The following ABLIM2 variants were observed in gnomAD, a reference collection of about 807,000 sequenced individuals.
ABLIM2 encodes actin binding LIM protein family member 2, also known as actin-binding LIM protein 2.
ABLIM2 carries 53 observed loss-of-function variants against 97.7 expected under a neutral mutation model. The observed-to-expected ratio is 0.54, with a 90% CI of 0.44 to 0.68. The LOEUF (loss-of-function observed/expected upper bound fraction) is 0.68. ABLIM2 is among the 30% of genes least tolerant of loss of function. The pLI is 0.00. For synonymous variants in ABLIM2, 361 were observed against 345.8 expected (o/e 1.04, Z -0.49); for missense variants, 835 against 867.2 (o/e 0.96, Z 0.47).
intron 2 of ABLIM2, among the ~76,000 whole-genome samples, chr4:8,101,405 T>G (rs1834536230): frequency 6.6e-6 from 1 of 152,220 alleles, no homozygotes; most frequent in South Asian, 2.1e-4. Flanking sequence ...CCCACCTGTC[T>G]AGAGCTTCCC....
intron 1 of ABLIM2, among the ~76,000 whole-genome samples, chr4:8,116,461 G>T (rs978768233): frequency 6.6e-6 from 1 of 152,298 alleles, no homozygotes; most frequent in South Asian, 2.1e-4. Context: ...CCCAGGAACG[G>T]GTTCTCTAAA....
In ABLIM2 at chr4:8,125,585, T is replaced by G. The variant is rs115326961; in HGVS notation, c.11-18948A>C. Among the ~76,000 whole-genome samples, 1,925 of 152,246 alleles carry G rather than the reference T, an allele frequency of 0.013. 34 individuals carry two copies. Among genetic ancestry groups the G allele is most frequent in the African/African-American group, 0.044 (1,815 of 41,544 alleles). ...CAGTGCTGATGGCCACAGGTTTGCATGGGGCCTCGGTGCCGGGGCTGCTTC... is the reference window on the plus strand; with the variant it reads ...CAGTGCTGATGGCCACAGGTTTGCAGGGGGCCTCGGTGCCGGGGCTGCTTC... On this transcript the variant is annotated intron_variant, in intron 1 of 20. Coordinates refer to ENST00000447017, the MANE Select transcript of ABLIM2 (RefSeq NM_001130083.2). The surrounding 1 kb of genome is among the most constrained non-coding windows in gnomAD (Gnocchi z 6.2).
In ABLIM2 at chr4:8,113,975, A is replaced by C. The variant is rs1841565500; in HGVS notation, c.11-7338T>G. ...TGTACAATCAGGGAGGGCTTCTGGG[A>C]GGAGGTGACATAAACTAGAAGCTCA... On this transcript the variant is annotated intron_variant, in intron 1 of 20. Coordinates refer to ENST00000447017, the MANE Select transcript of ABLIM2 (RefSeq NM_001130083.2). The surrounding 1 kb of genome is among the most constrained non-coding windows in gnomAD (Gnocchi z 4.5). 6.6e-6 allele frequency among the ~76,000 whole-genome samples: 1 copy of C among 151,808 alleles called. No individual in the cohort carries two copies. Among genetic ancestry groups the C allele is most frequent in the East Asian group, 2.0e-4 (1 of 5,114 alleles).
chr4:8,051,061 G>A (rs1795691716), intron 8 of ABLIM2, among the ~76,000 whole-genome samples: 1 of 152,252 alleles, frequency 6.6e-6, no homozygotes, highest in African/African-American at 2.4e-5. Context: ...TGGCATCAGT[G>A]GGGACAGTGA....
At position 8,064,134 on chromosome 4, in the gene ABLIM2, C is replaced by T. The variant is rs573476380; in HGVS notation, c.676-3080G>A. On this transcript the variant is annotated intron_variant, in intron 6 of 20. Transcript: ENST00000447017. ...TGATTTCCTTTGTTCTGTGTGCTCT[C>T]GCCATTGCTCCACAAGCGAGACATG... 5.9e-5 allele frequency among the ~76,000 whole-genome samples: 9 copies of T among 152,356 alleles called. No individual in the cohort carries two copies. In the East Asian group the frequency reaches 1.5e-3, roughly 26 times the overall value.
intron 1 of ABLIM2, among the ~76,000 whole-genome samples, chr4:8,138,740 A>G (rs776555770): frequency 6.6e-6 from 1 of 152,230 alleles, no homozygotes; most frequent in Non-Finnish European, 1.5e-5. Flanking sequence ...TAAACGTAAA[A>G]CCCAAAACAA....
chr4:7,985,085 T>C (rs1350551079), intron 17 of ABLIM2, among the ~76,000 whole-genome samples, 192 bp from the exon 18 acceptor site: 2 of 152,186 alleles, frequency 1.3e-5, no homozygotes, highest in African/African-American at 4.8e-5. Context: ...GAGTCCAGGA[T>C]GCTGTGCCCG....
rs1022875085 is a variant in ABLIM2, at chr4:8,015,902, G to GCATATTTT, written c.1423+3708_1423+3715dup. Among the ~76,000 whole-genome samples, 8 of 151,910 alleles carry GCATATTTT rather than the reference G, an allele frequency of 5.3e-5. No homozygotes were observed. Among genetic ancestry groups the GCATATTTT allele is most frequent in the African/African-American group, 1.7e-4 (7 of 41,342 alleles). On this transcript the variant is annotated intron_variant, in intron 14 of 20. Coordinates refer to ENST00000447017, the MANE Select transcript of ABLIM2 (RefSeq NM_001130083.2). This position sits in a 1 kb window ranked among gnomAD's most constrained non-coding sequence, Gnocchi z 4.6. Reference sequence around the variant, plus strand: ...TATTTTTGAGTTTTTCATCTTTTATGCATATTTTCCTAAATTTTATATAGC... The same window carrying GCATATTTT: ...TATTTTTGAGTTTTTCATCTTTTATGCATATTTTCATATTTTCCTAAATTTTATATAGC...
chr4:8,000,117 C>T (rs1756068171), intron 16 of ABLIM2, among the ~76,000 whole-genome samples: 1 of 152,096 alleles, frequency 6.6e-6, no homozygotes, highest in Non-Finnish European at 1.5e-5. Flanking sequence ...GTTCAGGTCC[C>T]CTCTCTGAGT....
At chr4:7,993,830 G>A (rs1038347265) in intron 16 of ABLIM2, 3 of 454,846 alleles carry the variant, frequency 6.6e-6, no homozygotes, top group East Asian at 1.4e-4. Flanking sequence ...GGGCTGTCAG[G>A]AGGGGGCAGC....
At chr4:8,010,309 T>A (rs1158457012) in intron 14 of ABLIM2, 4 of 942,320 alleles carry the variant, frequency 4.2e-6, no homozygotes, top group Non-Finnish European at 5.1e-6. Flanking sequence ...CCACACCTTG[T>A]GTATCCCTTA....
At chr4:8,144,119 C>T (rs1473759487) in intron 1 of ABLIM2, among the ~76,000 whole-genome samples, 1 of 152,222 alleles carries the variant, frequency 6.6e-6, no homozygotes, top group African/African-American at 2.4e-5. Flanking sequence ...CTGCTGGCAT[C>T]TCCTGCTGGG....
chr4:8,151,453 A>G (rs1561643234), intron 1 of ABLIM2, among the ~76,000 whole-genome samples: 1 of 152,150 alleles, frequency 6.6e-6, no homozygotes, highest in Non-Finnish European at 1.5e-5. Flanking sequence ...CCAGGCAGAC[A>G]TCCACAGAAG....
Position 8,082,938 on chromosome 4 carries a change from G to C in ABLIM2, c.455-2136C>G, listed in dbSNP as rs561353615. ...GATGAGGCACATTTTGCAAAGCTCT[G>C]CATCAGTGGCTCTCAACTTGGGGCA... On this transcript the variant is annotated intron_variant, in intron 4 of 20. Coordinates refer to ENST00000447017, the MANE Select transcript of ABLIM2 (RefSeq NM_001130083.2). This position sits in a 1 kb window ranked among gnomAD's most constrained non-coding sequence, Gnocchi z 5.6. 6.6e-6 allele frequency among the ~76,000 whole-genome samples: 1 copy of C among 152,198 alleles called. No homozygotes were observed. Among genetic ancestry groups the C allele is most frequent in the Non-Finnish European group, 1.5e-5 (1 of 68,046 alleles).
At position 7,996,019 on chromosome 4, in the gene ABLIM2, G is replaced by GGA. The variant is rs1380044253; in HGVS notation, c.1619-3094_1619-3093dup. 1.3e-5 allele frequency among the ~76,000 whole-genome samples: 2 copies of GGA among 152,148 alleles called. No homozygotes were observed. The highest frequency in any genetic ancestry group is 4.8e-5 in the African/African-American group (2 of 41,436). On this transcript the variant is annotated intron_variant, in intron 16 of 20. Transcript: ENST00000447017. The surrounding 1 kb of genome is among the most constrained non-coding windows in gnomAD (Gnocchi z 4.5). ...TGCCTTGCAGTCCTGGGGTCCTCCAGGAGACACCTTCCTCCTCCTTCATGC... is the reference window on the plus strand; with the variant it reads ...TGCCTTGCAGTCCTGGGGTCCTCCAGGAGAGACACCTTCCTCCTCCTTCATGC...
chr4:7,969,762 C>G (rs1233351889), intron 20 of ABLIM2, among the ~76,000 whole-genome samples: 4 of 149,326 alleles, frequency 2.7e-5, no homozygotes, highest in African/African-American at 9.8e-5. Context: ...CACACACACA[C>G]ACACACAGCC....
rs975338598 is a variant in ABLIM2 at position 8,087,477 on chromosome 4, A to G, written c.454+692T>C. 5.9e-5 allele frequency among the ~76,000 whole-genome samples: 9 copies of G among 152,154 alleles called. No homozygotes were observed. The highest frequency in any genetic ancestry group is 1.2e-4 in the Non-Finnish European group (8 of 68,026). The stretch of plus-strand genomic sequence containing the variant: ...ACCTGGCCTAACTCCTGGGAGGTGG[A>G]GCAGTGAACCCAAGGGCCCCTGACT... On this transcript the variant is annotated intron_variant, in intron 4 of 20. Coordinates refer to ENST00000447017, the MANE Select transcript of ABLIM2 (RefSeq NM_001130083.2). This position sits in a 1 kb window ranked among gnomAD's most constrained non-coding sequence, Gnocchi z 4.6.
intron 1 of ABLIM2, among the ~76,000 whole-genome samples, chr4:8,115,944 G>A (rs1125307): frequency 0.4 from 60,084 of 152,084 alleles, 12,341 homozygotes; most frequent in South Asian, 0.52. Flanking sequence ...CTGTGACCAC[G>A]CATGGAGCCC....
At chr4:8,151,752 C>T (rs896407361) in intron 1 of ABLIM2, among the ~76,000 whole-genome samples, 7 of 151,262 alleles carry the variant, frequency 4.6e-5, no homozygotes, top group African/African-American at 1.7e-4. Context: ...CACAGAGGTC[C>T]AGGCGAGGGG....
Sources: allele counts gnomAD v4.1 joint callset (sites outside exome capture counted in the v4.1 genomes callset), GRCh38; gene constraint gnomAD v4.1.1; non-coding constraint Gnocchi (gnomAD v3.1); transcripts MANE v1.5; gene names NCBI Gene and HGNC (gene_info 2026-07-23, HGNC 2026-07-21).